The following DOCK1 variants were observed in gnomAD, a reference collection of about 807,000 sequenced individuals.
DOCK1 encodes dedicator of cytokinesis protein 1.
In DOCK1, 138 loss-of-function variants were observed where a neutral mutation model predicts 262.7. The observed-to-expected ratio is 0.53, with a 90% CI of 0.46 to 0.61. DOCK1 has a LOEUF of 0.61. Ranked by LOEUF, DOCK1 falls within the 20% of genes least tolerant of loss-of-function variation. The pLI is 0.00. For missense variants in DOCK1, 1,908 were observed against 2,370.7 expected, an observed-to-expected ratio of 0.80 and a Z score of 4.05; for synonymous variants, 866 against 867.4, an observed-to-expected ratio of 1.00 and a Z score of 0.03.
chr10:127,347,766 C>T (rs1275713905), intron 31 of DOCK1, among the ~76,000 whole-genome samples: 3 of 150,138 alleles, frequency 2.0e-5, no homozygotes, highest in African/African-American at 7.4e-5. Context: ...CATCTGGGGC[C>T]TGTCTCTTAC....
At chr10:127,411,757 T>A (rs1017081546) in intron 43 of DOCK1, among the ~76,000 whole-genome samples, 1 of 151,964 alleles carries the variant, frequency 6.6e-6, no homozygotes, top group African/African-American at 2.4e-5. Context: ...GGAGAATCGC[T>A]TGAACCCAGG....
chr10:126,958,151 C>G (rs1167335147), intron 1 of DOCK1, among the ~76,000 whole-genome samples: 1 of 152,190 alleles, frequency 6.6e-6, no homozygotes, highest in Non-Finnish European at 1.5e-5. Flanking sequence ...ATAAAAGTCA[C>G]TGAGCTGATC....
At chr10:127,119,024 TG>T (rs1196263750) in intron 25 of DOCK1, among the ~76,000 whole-genome samples, 1 of 148,922 alleles carries the variant, frequency 6.7e-6, no homozygotes, top group African/African-American at 2.5e-5. Context: ...TCCTTTACTC[TG>T]GGGGCTCCAG....
chr10:127,154,567 G>A (rs1398974876), intron 27 of DOCK1, among the ~76,000 whole-genome samples: 1 of 152,062 alleles, frequency 6.6e-6, no homozygotes, highest in South Asian at 2.1e-4. Flanking sequence ...TTGCCTCTTG[G>A]TCTGCAAATC....
intron 22 of DOCK1, among the ~76,000 whole-genome samples, chr10:127,057,858 CAAAAT>C (rs1006408843): frequency 1.1e-3 from 173 of 152,234 alleles, no homozygotes; most frequent in African/African-American, 4.1e-3. Flanking sequence ...CCCTGGGTCA[CAAAAT>C]AGAATGTAGT....
chr10:127,283,474 A>G (rs4603213), intron 29 of DOCK1, among the ~76,000 whole-genome samples: 23,201 of 152,238 alleles, frequency 0.15, 2,055 homozygotes, highest in East Asian at 0.25. Context: ...GATGCATTAC[A>G]TTCATTAGTT....
chr10:127,394,091 C>T (rs1293526207), intron 38 of DOCK1, among the ~76,000 whole-genome samples: 1 of 151,962 alleles, frequency 6.6e-6, no homozygotes, highest in Non-Finnish European at 1.5e-5. Flanking sequence ...TGAAAATTAC[C>T]AGGCTTCTCT....
chr10:127,343,528 T>A, intron 30 of DOCK1, 118 bp from the exon 31 acceptor site: 1 of 641,744 alleles, frequency 1.6e-6, no homozygotes, highest in East Asian at 3.6e-5. Context: ...TGAGTGTGGG[T>A]TTTTTTTTTA....
At chr10:127,095,924 T>C (rs536649427) in intron 23 of DOCK1, among the ~76,000 whole-genome samples, 1 of 152,334 alleles carries the variant, frequency 6.6e-6, no homozygotes, top group South Asian at 2.1e-4. Flanking sequence ...ACGCAGATAC[T>C]TGTGGGAACA....
chr10:127,339,361 C>T (rs1001615904), intron 30 of DOCK1, among the ~76,000 whole-genome samples: 2 of 152,116 alleles, frequency 1.3e-5, no homozygotes, highest in Non-Finnish European at 2.9e-5. Flanking sequence ...GCAGGGAGGC[C>T]ACCAAGTCCC....
At chr10:127,220,086 A>G (rs1277786910) in intron 27 of DOCK1, among the ~76,000 whole-genome samples, 1 of 152,106 alleles carries the variant, frequency 6.6e-6, no homozygotes, top group African/African-American at 2.4e-5. Flanking sequence ...ATTACAGAGA[A>G]AAAAATGTTC....
intron 29 of DOCK1, among the ~76,000 whole-genome samples, chr10:127,261,306 T>TACCC (rs2060091745): frequency 9.1e-6 from 1 of 110,060 alleles, no homozygotes; most frequent in African/African-American, 3.6e-5. Context: ...GGTGTGTGTG[T>TACCC]GTGTGCCTGC....
At chr10:127,368,223 C>T (rs2065030540) in intron 33 of DOCK1, among the ~76,000 whole-genome samples, 1 of 152,250 alleles carries the variant, frequency 6.6e-6, no homozygotes, top group African/African-American at 2.4e-5. Context: ...CTAAGGCACT[C>T]ACTGCAGCTC....
rs538147871 is a variant in DOCK1 at position 127,339,009 on chromosome 10, C to T, written c.3048C>T (p.Val1016=). 1.9e-6 allele frequency: 3 copies of T among 1,577,446 alleles called. No individual in the cohort carries two copies. In the South Asian group the frequency reaches 3.5e-5, roughly 18 times the overall value. Residue 1016 remains valine, a synonymous_variant, in exon 30 of 52, where the codon GTC becomes GTT. Coordinates refer to ENST00000623213, the MANE Select transcript of DOCK1 (RefSeq NM_001290223.2). ...TAATTTTCTCTTGATCTTTCAGAGT[C>T]TTCCTGCGAGCAATTAATCAGTATG... The part of the protein sequence containing the change: ...WVIMNMVQNK[V]FLRAINQYAD...
At chr10:127,064,629 G>A (rs1353880414) in intron 23 of DOCK1, among the ~76,000 whole-genome samples, 2 of 152,116 alleles carry the variant, frequency 1.3e-5, no homozygotes, top group East Asian at 1.9e-4. Context: ...GCCGTCTCCC[G>A]TCACCCCCGC....
At chr10:127,022,648 G>A (rs947722684) in intron 13 of DOCK1, among the ~76,000 whole-genome samples, 9 of 152,100 alleles carry the variant, frequency 5.9e-5, no homozygotes, top group African/African-American at 1.9e-4. Context: ...TACCCACCTC[G>A]GCATCCCAAA....
At chr10:127,348,839 G>A (rs1052752827) in intron 31 of DOCK1, among the ~76,000 whole-genome samples, 13 of 152,146 alleles carry the variant, frequency 8.5e-5, no homozygotes, top group African/African-American at 2.9e-4. Flanking sequence ...CATGCATGCC[G>A]TTTTGCAGCG....
chr10:127,419,782 G>A, intron 46 of DOCK1, 33 bp downstream of exon 46: 1 of 1,562,724 alleles, frequency 6.4e-7, no homozygotes, highest in Non-Finnish European at 8.7e-7. Context: ...TGCATGGCTG[G>A]AGGGAAGGAA....
intron 28 of DOCK1, among the ~76,000 whole-genome samples, chr10:127,251,312 G>A (rs1056620335): frequency 3.3e-5 from 5 of 151,968 alleles, no homozygotes; most frequent in African/African-American, 1.2e-4. Context: ...AGATTATTTT[G>A]TACAGAATTA....
Sources: gnomAD v4.1 joint callset for allele counts (sites outside exome capture counted in the v4.1 genomes callset) on GRCh38, gnomAD v4.1.1 for gene constraint, MANE v1.5 for transcripts, NCBI Gene and HGNC (gene_info 2026-07-23, HGNC 2026-07-21) for gene names.